The following MGAT1 variants were observed in gnomAD, a reference collection of about 807,000 sequenced individuals.
MGAT1 encodes N-glycosyl-oligosaccharide-glycoprotein N-acetylglucosaminyltransferase I.
In MGAT1, 14 loss-of-function variants were observed where a neutral mutation model predicts 31.7. The ratio of observed to expected loss-of-function variants is 0.44; its 90% CI spans 0.29 to 0.69. The LOEUF (loss-of-function observed/expected upper bound fraction) is 0.69, where lower values mean the gene tolerates loss of function less well. MGAT1 is among the 30% of genes least tolerant of loss of function. The pLI is 0.12. For synonymous variants in MGAT1, 338 were observed against 276.0 expected (o/e 1.22, Z -2.23); for missense variants, 557 against 626.0 (o/e 0.89, Z 1.18).
chr5:180,791,696 C>T lies in MGAT1; in HGVS notation c.1276G>A (p.Gly426Ser). ...GGGGGCGCCAGGTGGACACGGCGGC[C>T]CCGGAACTGGAAGGTGACAATACCC... ...YRGIVTFQFR[G>S]RRVHLAPPLT... Residue 426 changes from glycine to serine, a missense_variant, in exon 2 of 2, where the codon GGC becomes AGC. Gly to Ser is a moderately conservative substitution (Grantham distance 56). Around this residue, in one of 3 missense-constraint regions of MGAT1, gnomAD observed 145 missense variants for 143.2 expected, o/e 1.01. Coordinates refer to ENST00000307826, the MANE Select transcript of MGAT1 (RefSeq NM_002406.4). 1.2e-6 allele frequency: 2 copies of T among 1,613,884 alleles called. No homozygotes were observed. Among genetic ancestry groups the T allele is most frequent in the Non-Finnish European group, 1.7e-6 (2 of 1,180,018 alleles).
Position 180,791,994 on chromosome 5 carries a change from G to A in MGAT1, c.978C>T (p.Asp326=). Residue 326 remains aspartate, a synonymous_variant, in exon 2 of 2, where the codon GAC becomes GAT. Transcript: ENST00000307826. ...RKGVSHGQFF[D]QHLKFIKLNQ... is the part of the protein sequence containing the mutation. ...TCAGCTTGATAAACTTGAGGTGCTG[G>A]TCAAAGAACTGCCCGTGGCTCACAC... 1 of 1,614,158 alleles carries A rather than the reference G, an allele frequency of 6.2e-7. No individual in the cohort carries two copies. The highest frequency in any genetic ancestry group is 1.6e-4 in the Middle Eastern group (1 of 6,062).
At chr5:180,815,226 A>G (rs184651195) in intron 1 of MGAT1, among the ~76,000 whole-genome samples, 38 of 152,280 alleles carry the variant, frequency 2.5e-4, no homozygotes, top group South Asian at 1.7e-3. Context: ...ATTAGTGGGA[A>G]TAGAGCCTTC....
rs1346024640 is a variant in MGAT1 at position 180,789,812 on chromosome 5, G to A, written c.*1822C>T. On this transcript the variant is annotated 3_prime_UTR_variant, in exon 2 of 2. Transcript: ENST00000307826. ...CCAGCAAGTTTTTGTATTTTTAGTA[G>A]AGTATTTTTAGGTTTCACCATGTTG... 2 of 151,586 alleles carry A rather than the reference G, an allele frequency of 1.3e-5. No individual in the cohort carries two copies. Among genetic ancestry groups the A allele is most frequent in the African/African-American group, 4.9e-5 (2 of 41,202 alleles). 9.4% of individuals were successfully genotyped at this position (151,586 alleles called of 1,614,324 possible).
Position 180,792,557 on chromosome 5 carries a change from C to T in MGAT1, c.415G>A (p.Val139Ile), listed in dbSNP as rs748129277. Residue 139 changes from valine (V) to isoleucine (I), a missense_variant, in exon 2 of 2, where the codon GTT becomes ATT. Around this residue, in one of 3 missense-constraint regions of MGAT1, gnomAD observed 245 missense variants for 332.9 expected, o/e 0.74. Transcript: ENST00000307826. ...RPSAELFPII[V>I]SQDCGHEETA... ...TCCTCGTGCCCGCAGTCCTGGCTAA[C>T]GATGATGGGGAAGAGCTCAGCCGAG... The T allele has an allele frequency of 6.2e-7, 1 of 1,612,628 alleles. No homozygotes were observed. Among genetic ancestry groups the T allele is most frequent in the Non-Finnish European group, 8.5e-7 (1 of 1,179,752 alleles).
At chr5:180,812,707 CTA>C (rs1772652806) in intron 1 of MGAT1, among the ~76,000 whole-genome samples, 1 of 152,154 alleles carries the variant, frequency 6.6e-6, no homozygotes, top group East Asian at 1.9e-4. Flanking sequence ...AAAATGAAAT[CTA>C]GTTTATTTAA....
chr5:180,790,000 T>G lies in MGAT1; in HGVS notation c.*1634A>C, dbSNP rs1434501658. 6.6e-6 allele frequency: 1 copy of G among 152,082 alleles called. No homozygotes were observed. Among genetic ancestry groups the G allele is most frequent in the African/African-American group, 2.4e-5 (1 of 41,398 alleles). 9.4% of individuals were successfully genotyped at this position (152,082 alleles called of 1,614,324 possible). A position where few individuals can be genotyped will look rare whatever the true frequency, so the allele number is the denominator to read the frequency against. On this transcript the variant is annotated 3_prime_UTR_variant, in exon 2 of 2. Coordinates refer to ENST00000307826, the MANE Select transcript of MGAT1 (RefSeq NM_002406.4). ...GAATGTTGCACGTGATATGCAGAGG[T>G]AACAGTCTGTCTGTGTTCTGGGTAT...
chr5:180,791,664 C>G lies in MGAT1; in HGVS notation c.1308G>C (p.Thr436=), dbSNP rs190419483. 2 of 1,613,820 alleles carry G rather than the reference C, an allele frequency of 1.2e-6. No individual in the cohort carries two copies. Among genetic ancestry groups the G allele is most frequent in the East Asian group, 2.2e-5 (1 of 44,886 alleles). ...TCCAGCTAGGATCATAGCCCTCCCA[C>G]GTCAGTGGGGGCGCCAGGTGGACAC... ...GRRVHLAPPL[T]WEGYDPSWN Residue 436 remains threonine (T), a synonymous_variant, in exon 2 of 2, where the codon ACG becomes ACC. Coordinates refer to ENST00000307826, the MANE Select transcript of MGAT1 (RefSeq NM_002406.4).
Position 180,793,021 on chromosome 5 carries a change from T to C in MGAT1, c.-50A>G. ...GCCAGGGGACGGTTCAAGGCTGCCCTGGGCTTGCCCGGCTCCCTTGCCCGC... is the reference window on the plus strand; with the variant it reads ...GCCAGGGGACGGTTCAAGGCTGCCCCGGGCTTGCCCGGCTCCCTTGCCCGC... On this transcript the variant is annotated 5_prime_UTR_variant, in exon 2 of 2. Transcript: ENST00000307826. 6.2e-7 allele frequency: 1 copy of C among 1,603,280 alleles called. No homozygotes were observed.
intron 1 of MGAT1, among the ~76,000 whole-genome samples, chr5:180,811,967 C>A (rs1396016670): frequency 6.6e-6 from 1 of 152,216 alleles, no homozygotes; most frequent in Non-Finnish European, 1.5e-5. Flanking sequence ...TCAGTGAGGC[C>A]TTTCCTGACC....
At chr5:180,800,841 T>G (rs763613437) in intron 1 of MGAT1, among the ~76,000 whole-genome samples, 43 of 152,202 alleles carry the variant, frequency 2.8e-4, no homozygotes, top group Admixed American at 1.6e-3. Flanking sequence ...CCTTTTTAAA[T>G]AGAACAACTG....
At position 180,793,097 on chromosome 5, in the gene MGAT1, C is replaced by T; in HGVS notation, c.-126G>A. The T allele has an allele frequency of 2.6e-6, 3 of 1,157,276 alleles. No individual in the cohort carries two copies. The highest frequency in any genetic ancestry group is 3.6e-6 in the Non-Finnish European group (3 of 832,136). The allele number at this position is 1,157,276 out of a possible 1,614,324, so 71.7% of individuals were successfully genotyped here. On this transcript the variant is annotated splice_region_variant and 5_prime_UTR_variant, in exon 2 of 2. It adds an upstream start codon to the 5' untranslated region. Transcript: ENST00000307826. ...TATGGGATTAGGAGGCAGCCATGCA[C>T]CTAAAGACAGGAGAGAGAAAGCAAA...
At chr5:180,804,133 CCTCACGGGCCAAACCCT>C (rs1387140749), upstream of MGAT1, among the ~76,000 whole-genome samples, 1 of 149,246 alleles carries the variant, frequency 6.7e-6, no homozygotes, top group East Asian at 2.1e-4. Flanking sequence ...TGGTGAGGGG[CCTCACGGGCCAAACCCT>C]CCCTCGGCCT....
chr5:180,798,979 T>C (rs1425474780), intron 1 of MGAT1, among the ~76,000 whole-genome samples: 1 of 152,210 alleles, frequency 6.6e-6, no homozygotes, highest in East Asian at 1.9e-4. Flanking sequence ...TAACCTGAAC[T>C]CATTCCTTCG....
upstream of MGAT1, chr5:180,803,561 C>T (rs1771369911): frequency 6.6e-6 from 1 of 152,444 alleles, no homozygotes; most frequent in African/African-American, 2.4e-5. Context: ...GGACCCAGGC[C>T]CACCGAGGGG....
chr5:180,808,035 T>C (rs765321797), intron 2 of MGAT1, among the ~76,000 whole-genome samples: 1 of 152,228 alleles, frequency 6.6e-6, no homozygotes, highest in Non-Finnish European at 1.5e-5. Flanking sequence ...ATTTTGTAGG[T>C]GAAGAGAACA....
In MGAT1 at chr5:180,790,808, A is replaced by C. The variant is rs116143418; in HGVS notation, c.*826T>G. On this transcript the variant is annotated 3_prime_UTR_variant, in exon 2 of 2. Coordinates refer to ENST00000307826, the MANE Select transcript of MGAT1 (RefSeq NM_002406.4). ...CTGTGTGTCAAACCCCAGGGGAAAA[A>C]GGGACAGGCAGATCGAATTCTGTCT... 1,806 of 152,382 alleles carry C rather than the reference A, an allele frequency of 0.012. 40 individuals carry two copies. The highest frequency in any genetic ancestry group is 0.041 in the African/African-American group (1,688 of 41,556). The allele number at this position is 152,382 out of a possible 1,614,324, so 9.4% of individuals were successfully genotyped here. A position where few individuals can be genotyped will look rare whatever the true frequency, so the allele number is the denominator to read the frequency against.
At chr5:180,810,799 G>T (rs991622020) in intron 1 of MGAT1, 3 of 152,394 alleles carry the variant, frequency 2.0e-5, no homozygotes, top group African/African-American at 7.2e-5. Flanking sequence ...GTTTTGTTTC[G>T]TTCATCGCTG....
At position 180,786,089 on chromosome 5, in the gene MGAT1, T is replaced by A. The variant is rs1482573563; in HGVS notation, c.*5545A>T. The A allele has an allele frequency of 6.6e-6, 1 of 152,316 alleles. No homozygotes were observed. The highest frequency in any genetic ancestry group is 1.5e-5 in the Non-Finnish European group (1 of 68,074). The allele number at this position is 152,316 out of a possible 1,614,324, so 9.4% of individuals were successfully genotyped here. The stretch of plus-strand genomic sequence containing the variant: ...GTAGCTGAACCAGGGCAGCATTTGC[T>A]GTGAGCTGGGAGCCATGTGTTGAAG... On this transcript the variant is annotated 3_prime_UTR_variant, in exon 2 of 2. Transcript: ENST00000307826.
chr5:180,791,663 A>C lies in MGAT1; in HGVS notation c.1309T>G (p.Trp437Gly). ...RRVHLAPPLT[W>G]EGYDPSWN is the part of the protein sequence containing the mutation. ...TTCCAGCTAGGATCATAGCCCTCCC[A>C]CGTCAGTGGGGGCGCCAGGTGGACA... The change falls in exon 2 of 2, where the codon TGG becomes GGG. Residue 437 changes from tryptophan to glycine, a missense_variant. Trp to Gly is a radical substitution (Grantham distance 184, BLOSUM62 -2). Around this residue, in one of 3 missense-constraint regions of MGAT1, gnomAD observed 145 missense variants for 143.2 expected, o/e 1.01. Coordinates refer to ENST00000307826, the MANE Select transcript of MGAT1 (RefSeq NM_002406.4). The C allele has an allele frequency of 1.2e-6, 2 of 1,613,756 alleles. No individual in the cohort carries two copies. Among genetic ancestry groups the C allele is most frequent in the Non-Finnish European group, 1.7e-6 (2 of 1,179,990 alleles).
Sources: gnomAD v4.1 joint callset for allele counts (sites outside exome capture counted in the v4.1 genomes callset) on GRCh38, gnomAD v4.1.1 for gene constraint, gnomAD v4.1.1 regional missense constraint, MANE v1.5 for transcripts, NCBI Gene and HGNC (gene_info 2026-07-23, HGNC 2026-07-21) for gene names.